The following MLXIP variants were observed in gnomAD, a reference collection of about 807,000 sequenced individuals.
The protein encoded by MLXIP is MLX interacting protein.
Under a neutral mutation model 87.2 loss-of-function variants are expected in MLXIP, and 30 were observed. The observed-to-expected ratio is 0.34, with a 90% CI of 0.26 to 0.47. The LOEUF (loss-of-function observed/expected upper bound fraction) is 0.47. Ranked by LOEUF, MLXIP falls within the 20% of genes least tolerant of loss-of-function variation. MLXIP has a pLI of 1.00. For synonymous variants in MLXIP, 530 were observed against 514.0 expected (o/e 1.03, Z -0.42); for missense variants, 1,002 against 1,240.1 (o/e 0.81, Z 2.88).
At position 122,135,783 on chromosome 12, in the gene MLXIP, A is replaced by T; in HGVS notation, c.2032+117A>T. 8.0e-7 allele frequency: 1 copy of T among 1,242,792 alleles called. No homozygotes were observed. The highest frequency in any genetic ancestry group is 1.5e-5 in the African/African-American group (1 of 65,460). The allele number at this position is 1,242,792 out of a possible 1,614,324, so 77.0% of individuals were successfully genotyped here. A position where few individuals can be genotyped will look rare whatever the true frequency, so the allele number is the denominator to read the frequency against. Reference sequence around the variant, plus strand: ...GACGGAGCCTGGGCTTAGGACACACAGTGAGGTCTTGTAGGCCTGCTGATA... The same window carrying T: ...GACGGAGCCTGGGCTTAGGACACACTGTGAGGTCTTGTAGGCCTGCTGATA... On this transcript the variant is annotated intron_variant, in intron 11 of 16. Coordinates refer to ENST00000319080, the MANE Select transcript of MLXIP (RefSeq NM_014938.6). The surrounding 1 kb of genome is among the most constrained non-coding windows in gnomAD (Gnocchi z 5.3).
At position 122,142,161 on chromosome 12, in the gene MLXIP, T is replaced by C. The variant is rs1379394114; in HGVS notation, c.*349T>C. The C allele has an allele frequency of 1.4e-6, 1 of 701,246 alleles. No individual in the cohort carries two copies. The highest frequency in any genetic ancestry group is 2.6e-6 in the Non-Finnish European group (1 of 384,758). 43.4% of individuals were successfully genotyped at this position (701,246 alleles called of 1,614,324 possible). On this transcript the variant is annotated 3_prime_UTR_variant, in exon 17 of 17. Coordinates refer to ENST00000319080, the MANE Select transcript of MLXIP (RefSeq NM_014938.6). ...GCCTGGCGCCGGTGAGCGGAATCGA[T>C]GGGATGAGGGTGACAGGGCCTGCTC...
chr12:122,092,451 TC>T (rs1366345486), intron 1 of MLXIP, among the ~76,000 whole-genome samples: 2 of 152,140 alleles, frequency 1.3e-5, no homozygotes, highest in African/African-American at 4.8e-5. Flanking sequence ...TTGGCCCTGC[TC>T]TGTTTAAAGT....
At chr12:122,084,144 T>TTGTGTGTGTGTGTG (rs746678463) in intron 1 of MLXIP, among the ~76,000 whole-genome samples, 54 of 138,244 alleles carry the variant, frequency 3.9e-4, no homozygotes, top group African/African-American at 1.3e-3. Flanking sequence ...CTCAGCCAGA[T>TTGTGTGTGTGTGTG]TGTGTGTGTG....
intron 1 of MLXIP, among the ~76,000 whole-genome samples, chr12:122,108,106 A>T (rs1239123954): frequency 6.6e-6 from 1 of 152,094 alleles, no homozygotes; most frequent in Admixed American, 6.6e-5. Context: ...GGGGTGGTTC[A>T]CACCTGTAAT....
chr12:122,087,360 A>G (rs922570836), intron 1 of MLXIP, among the ~76,000 whole-genome samples: 4 of 151,042 alleles, frequency 2.6e-5, no homozygotes, highest in Non-Finnish European at 4.4e-5. Context: ...GCAGGCAAGA[A>G]TAGAAAGAAG....
chr12:122,140,802 A>C, intron 15 of MLXIP, 152 bp from the exon 16 acceptor site: 22 of 1,181,608 alleles, frequency 1.9e-5, no homozygotes, highest in Non-Finnish European at 2.5e-5. Context: ...CACCTTGCCT[A>C]GAGATCTCTC....
At chr12:122,139,999 G>A (rs1953168733) in intron 15 of MLXIP, among the ~76,000 whole-genome samples, 1 of 152,108 alleles carries the variant, frequency 6.6e-6, no homozygotes, top group Non-Finnish European at 1.5e-5. Context: ...TAATTGAAGA[G>A]ATGACAGGCA....
chr12:122,086,122 C>T (rs894951178), intron 1 of MLXIP, among the ~76,000 whole-genome samples: 2 of 152,184 alleles, frequency 1.3e-5, no homozygotes, highest in African/African-American at 4.8e-5. Context: ...CCCCTCAGAG[C>T]TGGAAAAGGC....
rs773735279 is a variant in MLXIP, at chr12:122,137,496, C to A, written c.2060C>A (p.Ala687Asp). 6.2e-7 allele frequency: 1 copy of A among 1,613,980 alleles called. No individual in the cohort carries two copies. Among genetic ancestry groups the A allele is most frequent in the South Asian group, 1.1e-5 (1 of 91,082 alleles). The change falls in exon 12 of 17, where the codon GCC becomes GAC. Residue 687 changes from alanine (A) to aspartate (D), a missense_variant. Coordinates refer to ENST00000319080, the MANE Select transcript of MLXIP (RefSeq NM_014938.6). This position sits in a 1 kb window ranked among gnomAD's most constrained non-coding sequence, Gnocchi z 4.1. ...CGGGACTGCCCAAACTCAGGGCAGG[C>A]CTCTCCGTGTGCATCGGAGCAGAGC... ...PSRDCPNSGQ[A>D]SPCASEQSPS...
At chr12:122,080,296 CG>C (rs903258011) in intron 1 of MLXIP, among the ~76,000 whole-genome samples, 1 of 152,146 alleles carries the variant, frequency 6.6e-6, no homozygotes, top group African/African-American at 2.4e-5. Flanking sequence ...ACTGGACTAG[CG>C]GGGGCTGTCT....
intron 7 of MLXIP, among the ~76,000 whole-genome samples, chr12:122,131,441 CTTTTTTTTTTTT>C (rs1174308802): frequency 2.6e-5 from 2 of 76,546 alleles, no homozygotes; most frequent in South Asian, 5.7e-4. Context: ...TTGTTTGAGT[CTTTTTTTTTTTT>C]TTTTTTTTTT....
intron 1 of MLXIP, among the ~76,000 whole-genome samples, chr12:122,087,648 G>T (rs1952188013): frequency 6.6e-6 from 1 of 152,330 alleles, no homozygotes; most frequent in East Asian, 1.9e-4. Flanking sequence ...GAGGCAAGGG[G>T]CCTTGTGGGC....
chr12:122,094,600 TG>T (rs1952318004), intron 1 of MLXIP, among the ~76,000 whole-genome samples: 1 of 126,738 alleles, frequency 7.9e-6, no homozygotes, highest in Non-Finnish European at 1.8e-5. Flanking sequence ...TGTGTGTTGG[TG>T]TTGTGTGTGT....
chr12:122,121,389 T>C (rs1377947703), intron 1 of MLXIP, among the ~76,000 whole-genome samples: 1 of 142,560 alleles, frequency 7.0e-6, no homozygotes, highest in East Asian at 2.2e-4. Context: ...GGTCTCAGCC[T>C]CCTGAGTAGC....
rs1026717786 is a variant in MLXIP, at chr12:122,135,437, G to A, written c.1855-52G>A. On this transcript the variant is annotated intron_variant, in intron 10 of 16. Coordinates refer to ENST00000319080, the MANE Select transcript of MLXIP (RefSeq NM_014938.6). This position sits in a 1 kb window ranked among gnomAD's most constrained non-coding sequence, Gnocchi z 5.3. The stretch of plus-strand genomic sequence containing the variant: ...CCTCACCTGAGACGACTGGTGTGCC[G>A]CCCTGCTGTATATCAGCAGTCAGGG... 35 of 1,605,494 alleles carry A rather than the reference G, an allele frequency of 2.2e-5. No homozygotes were observed. Among genetic ancestry groups the A allele is most frequent in the Middle Eastern group, 1.7e-4 (1 of 6,052 alleles).
Position 122,129,609 on chromosome 12 carries a change from G to A in MLXIP, c.718G>A (p.Asp240Asn). The A allele has an allele frequency of 1.2e-6, 2 of 1,613,648 alleles. No homozygotes were observed. The highest frequency in any genetic ancestry group is 1.7e-6 in the Non-Finnish European group (2 of 1,179,848). Reference protein sequence around the residue: ...KKRLQQHKDEDLSSLVQDDDM... With the variant: ...KKRLQQHKDENLSSLVQDDDM... ...ACAGCTACAGCAGCACAAGGATGAG[G>A]ACCTCTCCAGCCTGGTCCAGGTGGG... Residue 240 changes from aspartate (D) to asparagine (N), a missense_variant, in exon 5 of 17, where the codon GAC (aspartate) becomes AAC (asparagine). Asp to Asn is a conservative substitution (Grantham distance 23). Coordinates refer to ENST00000319080, the MANE Select transcript of MLXIP (RefSeq NM_014938.6).
chr12:122,097,856 C>CG (rs1555227878), intron 1 of MLXIP, among the ~76,000 whole-genome samples: 5 of 151,788 alleles, frequency 3.3e-5, no homozygotes, highest in Admixed American at 6.6e-5. Context: ...TCCCCCTCCC[C>CG]ACAAGAAACC....
At chr12:122,100,757 TAGTG>T (rs1272131220) in intron 1 of MLXIP, among the ~76,000 whole-genome samples, 3 of 152,204 alleles carry the variant, frequency 2.0e-5, no homozygotes, top group Non-Finnish European at 4.4e-5. Flanking sequence ...GTAATTAACT[TAGTG>T]AGGGTTTAGA....
intron 1 of MLXIP, among the ~76,000 whole-genome samples, chr12:122,086,188 T>C (rs1465884688): frequency 8.5e-5 from 13 of 152,136 alleles, no homozygotes; most frequent in Non-Finnish European, 1.9e-4. Context: ...TGCTGAATCT[T>C]GTGAGACCCA....
Sources: allele counts gnomAD v4.1 joint callset (sites outside exome capture counted in the v4.1 genomes callset), GRCh38; gene constraint gnomAD v4.1.1; non-coding constraint Gnocchi (gnomAD v3.1); transcripts MANE v1.5; gene names NCBI Gene and HGNC (gene_info 2026-07-23, HGNC 2026-07-21).